ANXA7: variants seen among roughly 807,000 people sequenced by gnomAD.
ANXA7 encodes annexin VII.
A neutral mutation model predicts 64.9 loss-of-function variants in ANXA7; 55 were observed. The ratio of observed to expected loss-of-function variants is 0.85; its 90% CI spans 0.68 to 1.06. The LOEUF (loss-of-function observed/expected upper bound fraction) is 1.06. Ranked by LOEUF, ANXA7 falls within the 50% of genes least tolerant of loss-of-function variation. The probability of loss-of-function intolerance (pLI) is 0.00; values close to 1 mark genes in which losing one functional copy is unlikely to be tolerated. For synonymous variants in ANXA7, 200 were observed against 192.4 expected (o/e 1.04, Z -0.33); for missense variants, 548 against 582.1 (o/e 0.94, Z 0.60).
intron 1 of ANXA7, among the ~76,000 whole-genome samples, chr10:73,406,648 T>C (rs1046411868): frequency 2.6e-5 from 4 of 152,136 alleles, no homozygotes; most frequent in African/African-American, 4.8e-5. Context: ...CAGCTCACTG[T>C]AGCCTCGAAT....
chr10:73,411,921 TA>T (rs1019157496), intron 1 of ANXA7, among the ~76,000 whole-genome samples: 13 of 151,108 alleles, frequency 8.6e-5, no homozygotes, highest in Non-Finnish European at 1.8e-4. Flanking sequence ...CCATTATGTG[TA>T]AAAAATGCAC....
At chr10:73,407,383 T>A (rs1003924753) in intron 1 of ANXA7, among the ~76,000 whole-genome samples, 11 of 152,160 alleles carry the variant, frequency 7.2e-5, no homozygotes, top group African/African-American at 2.2e-4. Flanking sequence ...GGCCTCAAAC[T>A]TTAATGTGTA....
intron 1 of ANXA7, among the ~76,000 whole-genome samples, chr10:73,405,311 G>GTGGGCGGA (rs1179548120): frequency 1.3e-5 from 2 of 150,984 alleles, no homozygotes; most frequent in African/African-American, 4.9e-5. Flanking sequence ...GGAGGCTGAG[G>GTGGGCGGA]TGGGCGGATC....
At position 73,388,356 on chromosome 10, in the gene ANXA7, G is replaced by T; in HGVS notation, c.494C>A (p.Ala165Asp). 1.9e-6 allele frequency: 3 copies of T among 1,613,990 alleles called. No homozygotes were observed. Among genetic ancestry groups the T allele is most frequent in the Non-Finnish European group, 2.5e-6 (3 of 1,179,926 alleles). Reference sequence around the variant, plus strand: ...ACGAAGAATTTCTGCATCTCTTATAGCATCGAAGTTGGCAGCTGGTCGGAT... The same window carrying T: ...ACGAAGAATTTCTGCATCTCTTATATCATCGAAGTTGGCAGCTGGTCGGAT... ...GTIRPAANFD[A>D]IRDAEILRKA... The change falls in exon 6 of 13, where the codon GCT becomes GAT. Residue 165 changes from alanine (A) to aspartate (D), a missense_variant. Physicochemically the swap from Ala to Asp is moderately radical, Grantham distance 126. Coordinates refer to ENST00000372921, the MANE Select transcript of ANXA7 (RefSeq NM_001156.5).
intron 1 of ANXA7, among the ~76,000 whole-genome samples, chr10:73,405,640 G>T (rs2055745079): frequency 6.6e-6 from 1 of 152,108 alleles, no homozygotes; most frequent in African/African-American, 2.4e-5. Flanking sequence ...GCATCTACAA[G>T]AAAACATTGC....
At position 73,383,604 on chromosome 10, in the gene ANXA7, A is replaced by G. The variant is rs2055310606; in HGVS notation, c.720T>C (p.Asp240=). ...LALFMPPTYY[D]AWSLRKAMQG... is the part of the protein sequence containing the mutation. ...GCATTGCTTTCCGTAAGCTCCAGGC[A>G]TCGTAATACGTAGGAGGCATGAAGA... The change falls in exon 8 of 13, where the codon GAT becomes GAC. Residue 240 remains aspartate (D), a synonymous_variant. Transcript: ENST00000372921. 6.2e-7 allele frequency: 1 copy of G among 1,613,292 alleles called. No individual in the cohort carries two copies. Among genetic ancestry groups the G allele is most frequent in the African/African-American group, 1.3e-5 (1 of 74,906 alleles).
At chr10:73,389,047 G>C (rs934442035) in intron 5 of ANXA7, among the ~76,000 whole-genome samples, 2 of 152,162 alleles carry the variant, frequency 1.3e-5, no homozygotes, top group Non-Finnish European at 2.9e-5. Context: ...CATTATAGCA[G>C]AGAAACCTTG....
At position 73,375,235 on chromosome 10, in the gene ANXA7, G is replaced by A. The variant is rs148418776; in HGVS notation, c.*860C>T. ...ACTTTCAGTTATAAAACGAATAAAT[G>A]CTAGAGGTTTAATGTAGAGCACAGT... On this transcript the variant is annotated 3_prime_UTR_variant, in exon 13 of 13. Transcript: ENST00000372921. The A allele has an allele frequency of 2.0e-5, 3 of 152,306 alleles. No homozygotes were observed. Among genetic ancestry groups the A allele is most frequent in the African/African-American group, 2.4e-5 (1 of 41,556 alleles). 9.4% of individuals were successfully genotyped at this position (152,306 alleles called of 1,614,324 possible). A position where few individuals can be genotyped will look rare whatever the true frequency, so the allele number is the denominator to read the frequency against.
chr10:73,378,421 G>A (rs1458416022), intron 12 of ANXA7, among the ~76,000 whole-genome samples: 1 of 147,686 alleles, frequency 6.8e-6, no homozygotes, highest in Non-Finnish European at 1.5e-5. Flanking sequence ...CATTTCTTCT[G>A]AGAAAAAAAA....
chr10:73,405,756 G>A (rs2055746895), intron 1 of ANXA7, among the ~76,000 whole-genome samples: 1 of 152,174 alleles, frequency 6.6e-6, no homozygotes, highest in African/African-American at 2.4e-5. Context: ...CAAAAGGTGA[G>A]ACGTAACTGT....
At chr10:73,378,517 T>C (rs1188782599) in intron 12 of ANXA7, among the ~76,000 whole-genome samples, 1 of 152,168 alleles carries the variant, frequency 6.6e-6, no homozygotes, top group Non-Finnish European at 1.5e-5. Context: ...TTAAAAATTG[T>C]TTTATTATTA....
chr10:73,406,870 C>T (rs2055765736), intron 1 of ANXA7, among the ~76,000 whole-genome samples: 1 of 152,102 alleles, frequency 6.6e-6, no homozygotes, highest in African/African-American at 2.4e-5. Flanking sequence ...CACACCCACC[C>T]TCTATTTATC....
intron 1 of ANXA7, among the ~76,000 whole-genome samples, chr10:73,402,795 T>C (rs556403999): frequency 2.6e-5 from 4 of 151,866 alleles, no homozygotes; most frequent in African/African-American, 9.7e-5. Flanking sequence ...GTATCCCCAT[T>C]CCCCCATTCC....
Position 73,383,677 on chromosome 10 carries a change from T to C in ANXA7, c.647A>G (p.Asp216Gly). 1 of 1,608,254 alleles carries C rather than the reference T, an allele frequency of 6.2e-7. No individual in the cohort carries two copies. The highest frequency in any genetic ancestry group is 8.5e-7 in the Non-Finnish European group (1 of 1,174,882). Residue 216 changes from aspartate to glycine, a missense_variant, in exon 8 of 13, where the codon GAT becomes GGT. Physicochemically the swap from Asp to Gly is moderately conservative, Grantham distance 94. Coordinates refer to ENST00000372921, the MANE Select transcript of ANXA7 (RefSeq NM_001156.5). ...ATTTCCACTTAACTCTGATTTGAGATCTTTGATTAAATCCTATTTAATCAC... is the reference window on the plus strand; with the variant it reads ...ATTTCCACTTAACTCTGATTTGAGACCTTTGATTAAATCCTATTTAATCAC... Reference protein sequence around the residue: ...KTSYGKDLIKDLKSELSGNME... With the variant: ...KTSYGKDLIKGLKSELSGNME...
At chr10:73,390,386 T>C (rs2055450004) in intron 5 of ANXA7, among the ~76,000 whole-genome samples, 1 of 152,168 alleles carries the variant, frequency 6.6e-6, no homozygotes, top group South Asian at 2.1e-4. Context: ...CATTTTCTTC[T>C]ACCAGTAAGC....
chr10:73,387,242 T>C (rs889448230), intron 7 of ANXA7, among the ~76,000 whole-genome samples: 1 of 152,100 alleles, frequency 6.6e-6, no homozygotes, highest in Non-Finnish European at 1.5e-5. Flanking sequence ...AGGCCAGGCA[T>C]GGTGGCTCAC....
intron 6 of ANXA7, 72 bp downstream of exon 6, chr10:73,388,240 G>C: frequency 8.6e-7 from 1 of 1,160,948 alleles, no homozygotes; most frequent in South Asian, 1.3e-5. Flanking sequence ...GGGTTTATGA[G>C]ATAAGGTTTA....
intron 1 of ANXA7, among the ~76,000 whole-genome samples, chr10:73,401,459 C>T (rs1044841410): frequency 6.6e-6 from 1 of 152,066 alleles, no homozygotes; most frequent in Non-Finnish European, 1.5e-5. Context: ...TTTGTCACAT[C>T]TCAATTCTAC....
intron 9 of ANXA7, among the ~76,000 whole-genome samples, chr10:73,381,053 T>G (rs1455511734): frequency 6.6e-6 from 1 of 151,972 alleles, no homozygotes; most frequent in African/African-American, 2.4e-5. Flanking sequence ...TATTTTTTTT[T>G]AAGAGACACG....
Sources: allele counts gnomAD v4.1 joint callset (sites outside exome capture counted in the v4.1 genomes callset), GRCh38; gene constraint gnomAD v4.1.1; transcripts MANE v1.5; gene names NCBI Gene and HGNC (gene_info 2026-07-23, HGNC 2026-07-21).